SLC16A12: variants seen among roughly 807,000 people sequenced by gnomAD.
SLC16A12 encodes the protein solute carrier family 16 member 12.
Under a neutral mutation model 42.4 loss-of-function variants are expected in SLC16A12, and 17 were observed. The observed-to-expected ratio is 0.40, with a 90% confidence interval of 0.27 to 0.60. The LOEUF is 0.60. Among genes scored for constraint, SLC16A12 ranks in the 20% least tolerant of loss-of-function variants. SLC16A12 has a pLI of 0.42. For synonymous variants in SLC16A12, 224 were observed against 229.4 expected (o/e 0.98, Z 0.21); for missense variants, 544 against 623.0 (o/e 0.87, Z 1.35).
chr10:89,468,851 C>G (rs12268958), intron 2 of SLC16A12, among the ~76,000 whole-genome samples: 1 of 152,030 alleles, frequency 6.6e-6, no homozygotes, highest in Non-Finnish European at 1.5e-5. Flanking sequence ...GTATTGCAGC[C>G]GGGCACAATG....
intron 2 of SLC16A12, among the ~76,000 whole-genome samples, chr10:89,487,809 CAAAAAAAAAA>C (rs71022569): frequency 0.035 from 2,944 of 84,762 alleles, 118 homozygotes; most frequent in African/African-American, 0.082. Flanking sequence ...GATTCTGTCT[CAAAAAAAAAA>C]AAAAAAAAAA....
At chr10:89,499,960 G>C (rs1842971037) in intron 2 of SLC16A12, among the ~76,000 whole-genome samples, 1 of 152,004 alleles carries the variant, frequency 6.6e-6, no homozygotes, top group Non-Finnish European at 1.5e-5. Flanking sequence ...AAACAAAATG[G>C]GAAATATTAC....
chr10:89,462,022 A>T (rs1842308313), intron 3 of SLC16A12, among the ~76,000 whole-genome samples: 1 of 152,238 alleles, frequency 6.6e-6, no homozygotes, highest in African/African-American at 2.4e-5. Context: ...TAGTCACAGC[A>T]TTGGCCTACA....
chr10:89,476,666 C>A (rs1295693627), intron 2 of SLC16A12, among the ~76,000 whole-genome samples: 1 of 152,190 alleles, frequency 6.6e-6, no homozygotes, highest in East Asian at 1.9e-4. Flanking sequence ...TAACAAGAAA[C>A]CCTTTCTTTG....
At chr10:89,482,874 G>C (rs930454400) in intron 2 of SLC16A12, among the ~76,000 whole-genome samples, 5 of 152,062 alleles carry the variant, frequency 3.3e-5, no homozygotes, top group African/African-American at 1.2e-4. Flanking sequence ...TTGTGTAGAA[G>C]GAAACACATC....
At chr10:89,483,384 G>A (rs1842696238) in intron 2 of SLC16A12, among the ~76,000 whole-genome samples, 1 of 152,108 alleles carries the variant, frequency 6.6e-6, no homozygotes, top group Non-Finnish European at 1.5e-5. Context: ...AGATCTTCTG[G>A]TGGCCATACC....
intron 2 of SLC16A12, among the ~76,000 whole-genome samples, chr10:89,503,957 C>A (rs1266012557): frequency 6.6e-6 from 1 of 152,172 alleles, no homozygotes; most frequent in Non-Finnish European, 1.5e-5. Context: ...AAGAAATCAG[C>A]ACAAGGAAGA....
chr10:89,496,748 T>C (rs1842926957), intron 2 of SLC16A12, among the ~76,000 whole-genome samples: 1 of 152,114 alleles, frequency 6.6e-6, no homozygotes, highest in Admixed American at 6.5e-5. Flanking sequence ...ACTCCAATTA[T>C]AAAGGAGAAG....
At chr10:89,461,170 T>C (rs537745857) in intron 3 of SLC16A12, among the ~76,000 whole-genome samples, 137 of 152,276 alleles carry the variant, frequency 9.0e-4, no homozygotes, top group Admixed American at 2.5e-3. Flanking sequence ...ATAAATGAGA[T>C]GGATGAGTCT....
At position 89,554,033 on chromosome 10, in the gene SLC16A12, GAAGAAAGAAAGA is replaced by G. The variant is rs1295802200; in HGVS notation, c.-47+1837_-47+1848del. Among the ~76,000 whole-genome samples the G allele has an allele frequency of 4.8e-3, 322 of 67,566 alleles. 15 individuals carry two copies. The highest frequency in any genetic ancestry group is 7.4e-3 in the Middle Eastern group (1 of 136). The allele number at this position is 67,566 out of a possible 152,430, so 44.3% of individuals were successfully genotyped here. A position where few individuals can be genotyped will look rare whatever the true frequency, so the allele number is the denominator to read the frequency against. ...GAAAGAGAGAAAGAAAGAGAGAAAG[GAAGAAAGAAAGA>G]AAGAAAGAAAGAAAGAAAGAAAGAA... is the stretch of plus-strand genomic sequence containing the variant. On this transcript the variant is annotated intron_variant, in intron 2 of 2. Coordinates refer to the SLC16A12 transcript ENST00000475682.
chr10:89,554,081 A>G (rs1843789792), intron 2 of SLC16A12, among the ~76,000 whole-genome samples: 1 of 102,146 alleles, frequency 9.8e-6, no homozygotes, highest in Non-Finnish European at 2.2e-5. Flanking sequence ...AGAAAGAAAG[A>G]AAGAAAGAAA....
chr10:89,532,810 T>G (rs1843577279), intron 2 of SLC16A12, among the ~76,000 whole-genome samples: 2 of 152,220 alleles, frequency 1.3e-5, no homozygotes, highest in Admixed American at 1.3e-4. Flanking sequence ...GAATGTCTAA[T>G]AGTCTATGAA....
At chr10:89,535,852 C>T (rs1041323141), upstream of SLC16A12, among the ~76,000 whole-genome samples, 3 of 152,188 alleles carry the variant, frequency 2.0e-5, no homozygotes, top group East Asian at 1.9e-4. Context: ...AGGCTGGGGC[C>T]GGGGGCCTAG....
chr10:89,462,600 A>G lies in SLC16A12; in HGVS notation c.-22T>C. On this transcript the variant is annotated 5_prime_UTR_variant, in exon 3 of 8. The change abolishes the stop of an existing upstream ORF in the 5' untranslated region. Coordinates refer to ENST00000371790, the MANE Select transcript of SLC16A12 (RefSeq NM_213606.4). ...GCATTCAAGGTTGGCATAGAACGCT[A>G]CCTGGCCCATGGGTTACTCGCCATC... 1 of 1,581,994 alleles carries G rather than the reference A, an allele frequency of 6.3e-7. No individual in the cohort carries two copies. The highest frequency in any genetic ancestry group is 8.6e-7 in the Non-Finnish European group (1 of 1,168,556).
chr10:89,490,339 T>C (rs1335445264), intron 2 of SLC16A12, among the ~76,000 whole-genome samples: 1 of 152,208 alleles, frequency 6.6e-6, no homozygotes, highest in African/African-American at 2.4e-5. Context: ...TCAACTCTGA[T>C]GCTATCTGCC....
At chr10:89,472,289 ATAATAATGT>A (rs200417894) in intron 2 of SLC16A12, among the ~76,000 whole-genome samples, 78,275 of 151,694 alleles carry the variant, frequency 0.52, 20,523 homozygotes, top group African/African-American at 0.55. Context: ...TTTTACATTA[ATAATAATGT>A]AATAATAAAA....
Position 89,438,660 on chromosome 10 carries a change from T to G in SLC16A12, c.972A>C (p.Ile324=). The change falls in exon 6 of 8, where the codon ATA becomes ATC. Residue 324 remains isoleucine, a synonymous_variant. Coordinates refer to ENST00000371790, the MANE Select transcript of SLC16A12 (RefSeq NM_213606.4). ...SHQQAAFLMS[I]LGVIDIIGNI... is the part of the protein sequence containing the mutation. ...TGCCAATAATGTCAATCACTCCAAG[T>G]ATGGACATAAGAAAAGCAGCTTGCT... 2 of 1,614,008 alleles carry G rather than the reference T, an allele frequency of 1.2e-6. No homozygotes were observed. Among genetic ancestry groups the G allele is most frequent in the Non-Finnish European group, 1.7e-6 (2 of 1,179,986 alleles).
upstream of SLC16A12, chr10:89,535,638 C>T (rs1843645069): frequency 6.6e-6 from 1 of 152,308 alleles, no homozygotes; most frequent in Non-Finnish European, 1.5e-5. Context: ...GCCCCGCCCG[C>T]CCTCCTGCCA....
intron 2 of SLC16A12, among the ~76,000 whole-genome samples, chr10:89,472,039 T>C (rs147028263): frequency 1.3e-5 from 2 of 152,336 alleles, no homozygotes; most frequent in African/African-American, 4.8e-5. Flanking sequence ...TGTGGATATA[T>C]GTGTTAGAAA....
Sources: allele counts gnomAD v4.1 joint callset (sites outside exome capture counted in the v4.1 genomes callset), GRCh38; gene constraint gnomAD v4.1.1; transcripts MANE v1.5; gene names NCBI Gene and HGNC (gene_info 2026-07-23, HGNC 2026-07-21).